The following ALK variants were observed in gnomAD, a reference collection of about 807,000 sequenced individuals.
ALK encodes ALK receptor tyrosine kinase, also known as ALK tyrosine kinase receptor.
A neutral mutation model predicts 163.1 loss-of-function variants in ALK; 74 were observed. That is an observed-to-expected ratio of 0.45 (90% CI 0.38 to 0.55). The LOEUF (loss-of-function observed/expected upper bound fraction) is 0.55, where lower values mean the gene tolerates loss of function less well. Among genes scored for constraint, ALK ranks in the 20% least tolerant of loss-of-function variants. The probability of loss-of-function intolerance (pLI) is 0.00; values close to 1 mark genes in which losing one functional copy is unlikely to be tolerated. For synonymous variants in ALK, 960 were observed against 843.2 expected (o/e 1.14, Z -2.40); for missense variants, 2,063 against 2,105.3 (o/e 0.98, Z 0.39).
chr2:29,267,319 C>T (rs1006962543), intron 11 of ALK, among the ~76,000 whole-genome samples: 7 of 152,184 alleles, frequency 4.6e-5, no homozygotes, highest in Admixed American at 6.5e-5. Flanking sequence ...TGCAACCTTA[C>T]GAGAGACTAT....
chr2:29,682,428 T>A (rs191718923), intron 3 of ALK, among the ~76,000 whole-genome samples: 15 of 152,274 alleles, frequency 9.9e-5, no homozygotes, highest in Admixed American at 3.3e-4. Context: ...AGGCTCCAAA[T>A]AGGATATAAT....
chr2:29,320,801 G>T lies in ALK; in HGVS notation c.1496C>A (p.Pro499His), dbSNP rs1558669753. ...WTQGTLSPHTPQWQVRTLKDA... is the reference protein window; with the variant it reads ...WTQGTLSPHTHQWQVRTLKDA... ...CTTTAGGGTCCTGACCTGCCATTGA[G>T]GAGTGTGGGGTGACAGTGTGCCTTG... Residue 499 changes from proline to histidine, a missense_variant, in exon 7 of 29, where the codon CCT (proline) becomes CAT (histidine). Pro to His is a moderately conservative substitution (Grantham distance 77). This residue lies in a region of ALK where 987 missense variants were observed against 939.5 expected (regional missense o/e 1.05). Transcript: ENST00000389048. 6.2e-7 allele frequency: 1 copy of T among 1,614,128 alleles called. No individual in the cohort carries two copies. The highest frequency in any genetic ancestry group is 8.5e-7 in the Non-Finnish European group (1 of 1,179,990).
intron 3 of ALK, among the ~76,000 whole-genome samples, chr2:29,657,799 C>T (rs1008421035): frequency 7.9e-5 from 12 of 152,050 alleles, no homozygotes; most frequent in African/African-American, 2.7e-4. Flanking sequence ...GGGGCTGTAA[C>T]TAATGAGGTT....
chr2:29,757,723 G>C (rs1374540765), intron 1 of ALK, among the ~76,000 whole-genome samples: 2 of 152,020 alleles, frequency 1.3e-5, no homozygotes, highest in Non-Finnish European at 2.9e-5. Flanking sequence ...TCTGTAAAGG[G>C]CAAGACAGTA....
At chr2:29,196,518 A>G (rs189322890) in intron 28 of ALK, among the ~76,000 whole-genome samples, 6 of 152,352 alleles carry the variant, frequency 3.9e-5, no homozygotes, top group African/African-American at 1.2e-4. Flanking sequence ...ATTCTCGTGG[A>G]CTGGATTGAT....
chr2:29,906,943 T>G (rs892179375), intron 1 of ALK, among the ~76,000 whole-genome samples: 1 of 115,194 alleles, frequency 8.7e-6, no homozygotes, highest in Non-Finnish European at 1.7e-5. Flanking sequence ...TAAGGTTTTT[T>G]TTTTTTTTTT....
At chr2:29,428,301 A>T (rs989826713) in intron 4 of ALK, among the ~76,000 whole-genome samples, 8 of 152,052 alleles carry the variant, frequency 5.3e-5, no homozygotes, top group Non-Finnish European at 7.4e-5. Context: ...AATAGAAAAA[A>T]TAGAGAAAAT....
chr2:29,644,038 C>T (rs1209753294), intron 3 of ALK, among the ~76,000 whole-genome samples: 1 of 151,968 alleles, frequency 6.6e-6, no homozygotes, highest in African/African-American at 2.4e-5. Context: ...GAAAATGTGG[C>T]ACATATACAC....
intron 1 of ALK, among the ~76,000 whole-genome samples, chr2:29,822,989 T>C (rs1364564388): frequency 6.6e-6 from 1 of 152,252 alleles, no homozygotes. Context: ...GGTTTGACTG[T>C]GTCCCCACCC....
Position 29,373,067 on chromosome 2 carries a change from T to A in ALK, c.1282+10665A>T, listed in dbSNP as rs540322646. On this transcript the variant is annotated intron_variant, in intron 5 of 28. Transcript: ENST00000389048. ...AACATCTTCCCAAGCCCCTTCCCCA[T>A]CACCAGCTGGAGCATCCGTCTCATT... Among the ~76,000 whole-genome samples the A allele has an allele frequency of 3.5e-4, 54 of 152,288 alleles. 1 individual carries two copies. Among genetic ancestry groups the A allele is most frequent in the Admixed American group, 2.4e-3 (37 of 15,290 alleles).
chr2:29,216,784 GGTGT>G (rs1307012656), intron 23 of ALK, among the ~76,000 whole-genome samples: 2 of 151,500 alleles, frequency 1.3e-5, no homozygotes, highest in Non-Finnish European at 2.9e-5. Flanking sequence ...AGGTGTGTGT[GGTGT>G]GTATGTGTGG....
At chr2:29,308,824 A>G (rs1010275377) in intron 8 of ALK, among the ~76,000 whole-genome samples, 2 of 152,120 alleles carry the variant, frequency 1.3e-5, no homozygotes, top group Non-Finnish European at 2.9e-5. Flanking sequence ...GGCAGGGGAC[A>G]CTTTGTTAGA....
chr2:29,792,185 T>C (rs1235784131), intron 1 of ALK, among the ~76,000 whole-genome samples: 1 of 152,252 alleles, frequency 6.6e-6, no homozygotes, highest in East Asian at 1.9e-4. Flanking sequence ...AACTATACAT[T>C]AGGTATTTTA....
intron 5 of ALK, among the ~76,000 whole-genome samples, chr2:29,366,544 T>A (rs1329196395): frequency 6.6e-6 from 1 of 151,994 alleles, no homozygotes; most frequent in Non-Finnish European, 1.5e-5. Context: ...GTCCTGTGGA[T>A]GGAGACAGAG....
At chr2:29,448,563 T>C (rs1368842641) in intron 4 of ALK, among the ~76,000 whole-genome samples, 1 of 152,192 alleles carries the variant, frequency 6.6e-6, no homozygotes, top group Non-Finnish European at 1.5e-5. Flanking sequence ...CACTGATATA[T>C]GTGTTTGGGG....
chr2:29,618,035 C>T (rs1220946369), intron 3 of ALK, among the ~76,000 whole-genome samples: 1 of 152,216 alleles, frequency 6.6e-6, no homozygotes, highest in Non-Finnish European at 1.5e-5. Flanking sequence ...CTGCCTGGCA[C>T]ATCCCTCCGT....
At chr2:29,768,456 C>A (rs1158722698) in intron 1 of ALK, among the ~76,000 whole-genome samples, 1 of 152,050 alleles carries the variant, frequency 6.6e-6, no homozygotes, top group East Asian at 1.9e-4. Flanking sequence ...GCATAAAAAT[C>A]TAATACTAAT....
intron 1 of ALK, among the ~76,000 whole-genome samples, chr2:29,801,669 C>A (rs1664471362): frequency 6.6e-6 from 1 of 152,266 alleles, no homozygotes; most frequent in East Asian, 1.9e-4. Context: ...TGCCTGACTT[C>A]TTTCTTTTTC....
At chr2:29,260,850 A>AAAAC (rs1665068958) in intron 11 of ALK, among the ~76,000 whole-genome samples, 2 of 11,426 alleles carry the variant, frequency 1.8e-4, no homozygotes, top group East Asian at 0.024. Context: ...AAAACAAAAC[A>AAAAC]AAAAAAAAAA....
Sources: gnomAD v4.1 joint callset for allele counts (sites outside exome capture counted in the v4.1 genomes callset) on GRCh38, gnomAD v4.1.1 for gene constraint, gnomAD v4.1.1 regional missense constraint, MANE v1.5 for transcripts, NCBI Gene and HGNC (gene_info 2026-07-23, HGNC 2026-07-21) for gene names.